IL18RAP: variants seen among roughly 807,000 people sequenced by gnomAD.
IL18RAP encodes the protein interleukin 18 receptor accessory protein, also known as interleukin-18 receptor accessory protein.
A neutral mutation model predicts 58.1 loss-of-function variants in IL18RAP; 37 were observed. That is an observed-to-expected ratio of 0.64 (90% CI 0.49 to 0.84). The LOEUF (loss-of-function observed/expected upper bound fraction) is 0.84. IL18RAP is among the 40% of genes least tolerant of loss of function. The pLI is 0.00. For missense variants in IL18RAP, 667 were observed against 704.8 expected, an observed-to-expected ratio of 0.95 and a Z score of 0.61; for synonymous variants, 268 against 257.5, an observed-to-expected ratio of 1.04 and a Z score of -0.39.
At chr2:102,418,737 T>C (rs940854746), upstream of IL18RAP, 23 of 152,358 alleles carry the variant, frequency 1.5e-4, no homozygotes, top group Admixed American at 2.0e-4. Flanking sequence ...TTTCCTCCAG[T>C]TATAATCCTT....
chr2:102,442,193 TG>T (rs1337994977), intron 5 of IL18RAP, among the ~76,000 whole-genome samples: 1 of 152,164 alleles, frequency 6.6e-6, no homozygotes, highest in Non-Finnish European at 1.5e-5. Context: ...GACTTCCCTG[TG>T]GGTCTCCTTT....
At chr2:102,423,047 G>A, upstream of IL18RAP, 1 of 570,034 alleles carries the variant, frequency 1.8e-6, no homozygotes, top group African/African-American at 1.9e-5. Context: ...ACACACCATT[G>A]GAAATACTCA....
chr2:102,434,163 C>T (rs1682580621), intron 3 of IL18RAP: 2 of 152,196 alleles, frequency 1.3e-5, no homozygotes, highest in Admixed American at 6.5e-5. Flanking sequence ...AAACAATCAT[C>T]TGTATGCTGT....
chr2:102,443,389 G>A (rs984747432), intron 6 of IL18RAP, 66 bp downstream of exon 6: 3 of 1,555,840 alleles, frequency 1.9e-6, no homozygotes, highest in Admixed American at 3.8e-5. Context: ...CTTTAGAAAT[G>A]CCTAAAGTAT....
At chr2:102,420,721 A>G (rs1681523980), upstream of IL18RAP, among the ~76,000 whole-genome samples, 1 of 152,198 alleles carries the variant, frequency 6.6e-6, no homozygotes, top group African/African-American at 2.4e-5. Context: ...AAACATCAGA[A>G]ATTCTGATTC....
At chr2:102,439,875 G>A (rs1020861154) in intron 4 of IL18RAP, 1 of 152,168 alleles carries the variant, frequency 6.6e-6, no homozygotes, top group South Asian at 2.1e-4. Flanking sequence ...GAAGATGATC[G>A]ATTTTTACAT....
rs1683823879 is a variant in IL18RAP at position 102,452,290 on chromosome 2, C to T, written c.*109C>T. The T allele has an allele frequency of 9.3e-7, 1 of 1,080,798 alleles. No homozygotes were observed. Among genetic ancestry groups the T allele is most frequent in the Non-Finnish European group, 1.3e-6 (1 of 752,884 alleles). 67.0% of individuals were successfully genotyped at this position (1,080,798 alleles called of 1,614,324 possible). ...CAGGCTGATAGGAAATTCAAAGAGT[C>T]TCCTGCCAGCACCAAGCAAGCTTGA... On this transcript the variant is annotated 3_prime_UTR_variant, in exon 10 of 10. Coordinates refer to ENST00000687160, the MANE Select transcript of IL18RAP (RefSeq NM_001393487.1).
At chr2:102,432,343 C>A (rs1321744784) in intron 3 of IL18RAP, 1 of 154,214 alleles carries the variant, frequency 6.5e-6, no homozygotes, top group Non-Finnish European at 1.5e-5. Context: ...TAGCCTGCAA[C>A]TTTGCCTGAT....
In IL18RAP at chr2:102,423,981, G is replaced by C; in HGVS notation, c.241G>C (p.Asp81His). ...LPFMGSNDLS[D>H]VQWYQQPSNG... is the part of the protein sequence containing the mutation. ...CTTCATGGGTAGTAACGACCTATCT[G>C]ATGTCCAATGGTACCAACAACCTTC... is the stretch of plus-strand genomic sequence containing the variant. Residue 81 changes from aspartate to histidine, a missense_variant, in exon 2 of 10, where the codon GAT becomes CAT. Coordinates refer to ENST00000687160, the MANE Select transcript of IL18RAP (RefSeq NM_001393487.1). 6.2e-7 allele frequency: 1 copy of C among 1,614,054 alleles called. No homozygotes were observed. Among genetic ancestry groups the C allele is most frequent in the Non-Finnish European group, 8.5e-7 (1 of 1,180,000 alleles).
intron 3 of IL18RAP, among the ~76,000 whole-genome samples, chr2:102,425,810 G>A (rs1248577035): frequency 6.6e-6 from 1 of 152,038 alleles, no homozygotes; most frequent in African/African-American, 2.4e-5. Flanking sequence ...GTGAGCACAA[G>A]TTGCATAATA....
intron 4 of IL18RAP, among the ~76,000 whole-genome samples, 179 bp downstream of exon 4, chr2:102,437,541 C>A (rs1486376543): frequency 6.6e-6 from 1 of 152,188 alleles, no homozygotes; most frequent in African/African-American, 2.4e-5. Flanking sequence ...AGGCTAAGTT[C>A]TGAAACAGTT....
At chr2:102,422,161 CT>C (rs1471442605), upstream of IL18RAP, among the ~76,000 whole-genome samples, 1 of 152,170 alleles carries the variant, frequency 6.6e-6, no homozygotes. Flanking sequence ...ACATGCTGAG[CT>C]TTTGGTGGCC....
chr2:102,438,048 TTTTA>T (rs993898745), intron 4 of IL18RAP, among the ~76,000 whole-genome samples: 1 of 152,202 alleles, frequency 6.6e-6, no homozygotes, highest in Non-Finnish European at 1.5e-5. Flanking sequence ...GGAGCTTTGT[TTTTA>T]TTTGTTTCTT....
chr2:102,423,331 A>G lies in IL18RAP; in HGVS notation c.54A>G (p.Lys18=), dbSNP rs1449435719. Residue 18 remains lysine (K), a synonymous_variant, in exon 1 of 10, where the codon AAA becomes AAG. Transcript: ENST00000687160. ...GGCTTGTTGCAGGAGAGCGAATTAA[A>G]GGATTTAATATTTCAGGTAGGGGTT... ...FLWLVAGERI[K]GFNISGCSTK... is the part of the protein sequence containing the mutation. 5.0e-6 allele frequency: 8 copies of G among 1,613,924 alleles called. No individual in the cohort carries two copies. The highest frequency in any genetic ancestry group is 1.3e-5 in the African/African-American group (1 of 74,916).
intron 3 of IL18RAP, among the ~76,000 whole-genome samples, chr2:102,426,146 T>C (rs988040870): frequency 3.9e-5 from 6 of 152,152 alleles, no homozygotes; most frequent in African/African-American, 1.4e-4. Flanking sequence ...AGTGATGGCA[T>C]TAGGCAGGAA....
intron 4 of IL18RAP, chr2:102,439,772 G>A (rs1388419312): frequency 2.0e-5 from 3 of 152,194 alleles, no homozygotes; most frequent in African/African-American, 4.8e-5. Context: ...TTAAGTATTA[G>A]GCTTAAAAGG....
intron 8 of IL18RAP, among the ~76,000 whole-genome samples, chr2:102,449,510 A>C (rs1005839263): frequency 7.9e-5 from 12 of 152,164 alleles, no homozygotes; most frequent in African/African-American, 2.9e-4. Flanking sequence ...TTTTGCAAAG[A>C]CAATGTTTTT....
At chr2:102,434,824 A>G (rs953455712) in intron 3 of IL18RAP, 2 of 152,232 alleles carry the variant, frequency 1.3e-5, no homozygotes, top group Non-Finnish European at 2.9e-5. Context: ...GTGGGCAACA[A>G]TGAGATTGCC....
In IL18RAP at chr2:102,452,260, G is replaced by C; in HGVS notation, c.*79G>C. On this transcript the variant is annotated 3_prime_UTR_variant, in exon 10 of 10. Coordinates refer to ENST00000687160, the MANE Select transcript of IL18RAP (RefSeq NM_001393487.1). ...ACAGAACTCACAGCTCTGTGTGTGT[G>C]TGTTCAGGCTGATAGGAAATTCAAA... 7.5e-7 allele frequency: 1 copy of C among 1,336,186 alleles called. No homozygotes were observed. The highest frequency in any genetic ancestry group is 2.3e-5 in the East Asian group (1 of 43,244). The allele number at this position is 1,336,186 out of a possible 1,614,324, so 82.8% of individuals were successfully genotyped here.
Sources: gnomAD v4.1 joint callset for allele counts (sites outside exome capture counted in the v4.1 genomes callset) on GRCh38, gnomAD v4.1.1 for gene constraint, MANE v1.5 for transcripts, NCBI Gene and HGNC (gene_info 2026-07-23, HGNC 2026-07-21) for gene names.